Variants in MFAP1 observed in about 807,000 individuals in gnomAD.
The protein encoded by MFAP1 is microfibrillar-associated protein 1.
In MFAP1, 18 loss-of-function variants were observed where a neutral mutation model predicts 62.2. The observed-to-expected ratio is 0.29, with a 90% CI of 0.20 to 0.43. The LOEUF (loss-of-function observed/expected upper bound fraction) is 0.43. MFAP1 is among the 20% of genes least tolerant of loss of function. MFAP1 has a pLI of 1.00. For synonymous variants in MFAP1, 175 were observed against 180.4 expected (o/e 0.97, Z 0.24); for missense variants, 355 against 559.7 (o/e 0.63, Z 3.69).
In MFAP1 at chr15:43,804,649, A is replaced by G. The variant is rs2087350366; in HGVS notation, c.*445T>C. On this transcript the variant is annotated 3_prime_UTR_variant, in exon 9 of 9. Transcript: ENST00000267812. ...GATCAAAAAGTATGTACAACTAGAAAAACGGACTCCAAGCAAAAATGGAAA... is the reference window on the plus strand; with the variant it reads ...GATCAAAAAGTATGTACAACTAGAAGAACGGACTCCAAGCAAAAATGGAAA... 6.5e-6 allele frequency: 1 copy of G among 154,020 alleles called. No homozygotes were observed. Among genetic ancestry groups the G allele is most frequent in the African/African-American group, 2.4e-5 (1 of 41,526 alleles). The allele number at this position is 154,020 out of a possible 1,614,324, so 9.5% of individuals were successfully genotyped here.
intron 1 of MFAP1, among the ~76,000 whole-genome samples, chr15:43,823,965 C>G (rs1042056447): frequency 6.6e-6 from 1 of 151,978 alleles, no homozygotes; most frequent in Non-Finnish European, 1.5e-5. Flanking sequence ...CCGCACAATG[C>G]CCTGCCAACA....
At chr15:43,815,614 C>T (rs35302555) in intron 2 of MFAP1, among the ~76,000 whole-genome samples, 9,856 of 151,856 alleles carry the variant, frequency 0.065, 460 homozygotes, top group Non-Finnish European at 0.099. Context: ...AGCAAGCCAG[C>T]AAACTCATAG....
intron 7 of MFAP1, among the ~76,000 whole-genome samples, chr15:43,805,856 C>T (rs1410760106): frequency 6.6e-6 from 1 of 152,152 alleles, no homozygotes. Context: ...TTGCGATCTG[C>T]CCACCTTGGC....
intron 3 of MFAP1, 25 bp downstream of exon 3, chr15:43,814,920 A>T (rs752954369): frequency 3.1e-6 from 5 of 1,609,932 alleles, no homozygotes. Context: ...TCCAGAAAAA[A>T]ACTTCCCATG....
intron 6 of MFAP1, 161 bp from the exon 7 acceptor site, chr15:43,810,075 G>C: frequency 1.3e-6 from 1 of 793,334 alleles, no homozygotes; most frequent in African/African-American, 1.7e-5. Flanking sequence ...AAACAAATGG[G>C]TGAGTTAGTC....
intron 4 of MFAP1, 32 bp downstream of exon 4, chr15:43,814,469 G>C (rs959814259): frequency 7.0e-6 from 11 of 1,564,398 alleles, no homozygotes; most frequent in Non-Finnish European, 9.5e-6. Flanking sequence ...TGGTAATTAA[G>C]TGGATTCAGA....
chr15:43,817,213 C>G lies in MFAP1; in HGVS notation c.299+16G>C. On this transcript the variant is annotated intron_variant, in intron 2 of 8. Transcript: ENST00000267812. ...GTAGAGGTTCATGTTCAAGTAAACA[C>G]AATCACAGACATTACCTCTCTTCCA... 6.2e-7 allele frequency: 1 copy of G among 1,610,694 alleles called. No individual in the cohort carries two copies. The highest frequency in any genetic ancestry group is 8.5e-7 in the Non-Finnish European group (1 of 1,178,350).
rs1339244255 is a variant in MFAP1, at chr15:43,817,049, GCT to G, written c.299+178_299+179del. On this transcript the variant is annotated intron_variant, in intron 2 of 8. Coordinates refer to ENST00000267812, the MANE Select transcript of MFAP1 (RefSeq NM_005926.3). ...CATGTAACTTTCTTAGCCCCTTTGT[GCT>G]CTTAGTTTCCTCCTTTTGTGAAATG... is the stretch of plus-strand genomic sequence containing the variant. Among the ~76,000 whole-genome samples the G allele has an allele frequency of 1.1e-4, 16 of 152,194 alleles. No homozygotes were observed. The East Asian group carries it at 2.3e-3, about 22-fold the overall frequency.
intron 1 of MFAP1, among the ~76,000 whole-genome samples, chr15:43,822,672 C>A (rs909673227): frequency 6.6e-6 from 1 of 151,972 alleles, no homozygotes; most frequent in African/African-American, 2.4e-5. Context: ...TCACGCCCAG[C>A]CTTTGTTTTA....
chr15:43,815,243 G>A (rs1044797204), intron 2 of MFAP1, among the ~76,000 whole-genome samples, 169 bp from the exon 3 acceptor site: 6 of 151,964 alleles, frequency 3.9e-5, no homozygotes, highest in Admixed American at 2.0e-4. Context: ...GCAGTGGTGC[G>A]ATCTTGGCTC....
chr15:43,816,183 G>A (rs2087432425), intron 2 of MFAP1, among the ~76,000 whole-genome samples: 1 of 151,842 alleles, frequency 6.6e-6, no homozygotes, highest in Admixed American at 6.6e-5. Flanking sequence ...ATGGTTATGT[G>A]AGAATGAATA....
intron 7 of MFAP1, among the ~76,000 whole-genome samples, chr15:43,806,209 T>C (rs764558775): frequency 2.0e-5 from 3 of 152,308 alleles, no homozygotes; most frequent in Non-Finnish European, 4.4e-5. Context: ...CAACTCTGCA[T>C]AGGCCTCTCA....
At chr15:43,816,228 A>AT (rs146517323) in intron 2 of MFAP1, among the ~76,000 whole-genome samples, 1,731 of 142,860 alleles carry the variant, frequency 0.012, 30 homozygotes, top group African/African-American at 0.041. Flanking sequence ...CTGTAATTTT[A>AT]TTTTTTTTTC....
intron 2 of MFAP1, 50 bp from the exon 3 acceptor site, chr15:43,815,124 A>C (rs777348571): frequency 4.4e-6 from 7 of 1,608,690 alleles, no homozygotes; most frequent in African/African-American, 2.7e-5. Flanking sequence ...AAAATGAAGT[A>C]GCATCAACTG....
chr15:43,819,115 C>T (rs2087452088), intron 1 of MFAP1, among the ~76,000 whole-genome samples: 1 of 152,228 alleles, frequency 6.6e-6, no homozygotes, highest in East Asian at 1.9e-4. Context: ...ATAACTTGAA[C>T]CTGGAAGGTG....
intron 4 of MFAP1, 149 bp from the exon 5 acceptor site, chr15:43,813,506 GTCTTT>G: frequency 2.0e-6 from 1 of 512,458 alleles, no homozygotes; most frequent in Non-Finnish European, 3.1e-6. Context: ...GTCATCCCAG[GTCTTT>G]TTTTTTTTTT....
intron 6 of MFAP1, among the ~76,000 whole-genome samples, chr15:43,810,915 C>A (rs2087396515): frequency 6.6e-6 from 1 of 151,770 alleles, no homozygotes; most frequent in Admixed American, 6.6e-5. Flanking sequence ...TGCCACCATG[C>A]CCGACTAATT....
rs773533183 is a variant in MFAP1, at chr15:43,814,925, C to A, written c.429+20G>T. The A allele has an allele frequency of 1.7e-5, 27 of 1,611,582 alleles. No individual in the cohort carries two copies. Among genetic ancestry groups the A allele is most frequent in the Non-Finnish European group, 2.1e-5 (25 of 1,179,268 alleles). ...TTTTCTTATATCCAGAAAAAAACTTCCCATGTTCCTTTATCATACCTCATC... is the reference window on the plus strand; with the variant it reads ...TTTTCTTATATCCAGAAAAAAACTTACCATGTTCCTTTATCATACCTCATC... On this transcript the variant is annotated intron_variant, in intron 3 of 8. Coordinates refer to ENST00000267812, the MANE Select transcript of MFAP1 (RefSeq NM_005926.3).
chr15:43,811,401 G>C (rs2141706677), intron 6 of MFAP1, among the ~76,000 whole-genome samples: 1 of 141,338 alleles, frequency 7.1e-6, no homozygotes, highest in Non-Finnish European at 1.5e-5. Context: ...GGGCGACAGA[G>C]TGAGACTGTG....
Sources: gnomAD v4.1 joint callset for allele counts (sites outside exome capture counted in the v4.1 genomes callset) on GRCh38, gnomAD v4.1.1 for gene constraint, MANE v1.5 for transcripts, NCBI Gene and HGNC (gene_info 2026-07-23, HGNC 2026-07-21) for gene names.